Variants in UGCG observed in about 807,000 individuals in gnomAD.
UGCG encodes the protein UDP-glucose ceramide glucosyltransferase, also known as ceramide glucosyltransferase.
In UGCG, 10 loss-of-function variants were observed where a neutral mutation model predicts 49.5. That is an observed-to-expected ratio of 0.20 (90% CI 0.12 to 0.34). The LOEUF (loss-of-function observed/expected upper bound fraction) is 0.34, where lower values mean the gene tolerates loss of function less well. Ranked by LOEUF, UGCG falls within the 10% of genes least tolerant of loss-of-function variation. The pLI, the probability that UGCG is intolerant of heterozygous loss-of-function variation, is 1.00. For missense variants in UGCG, 312 were observed against 483.7 expected (o/e 0.65, Z 3.33); for synonymous variants, 182 against 158.2 (o/e 1.15, Z -1.13).
At position 111,913,396 on chromosome 9, in the gene UGCG, CTGA is replaced by C. The variant is rs551954085; in HGVS notation, c.99-1206_99-1204del. ...TTGAATGGCATCTTGTTGCAACAGC[CTGA>C]TGTTAACTGGGGCACGTTCTGTCTT... is the stretch of plus-strand genomic sequence containing the variant. On this transcript the variant is annotated intron_variant, in intron 1 of 8. Transcript: ENST00000374279. Among the ~76,000 whole-genome samples the C allele has an allele frequency of 7.7e-3, 1,167 of 152,180 alleles. 11 individuals are homozygous for C. Among genetic ancestry groups the C allele is most frequent in the Non-Finnish European group, 0.013 (907 of 67,998 alleles).
At chr9:111,912,224 G>C (rs1197414113) in intron 1 of UGCG, among the ~76,000 whole-genome samples, 1 of 151,820 alleles carries the variant, frequency 6.6e-6, no homozygotes. Context: ...TGGTCCTCCA[G>C]ATGAACTCTG....
rs1398050402 is a variant in UGCG, at chr9:111,914,653, G to T, written c.147G>T (p.Lys49Asn). The T allele has an allele frequency of 6.8e-6, 11 of 1,614,104 alleles. No homozygotes were observed. The highest frequency in any genetic ancestry group is 9.3e-6 in the Non-Finnish European group (11 of 1,180,004). Reference sequence around the variant, plus strand: ...CAACTGACAAACAGCCTTATAGCAAGCTCCCAGGTGTCTCTCTTCTGAAAC... The same window carrying T: ...CAACTGACAAACAGCCTTATAGCAATCTCCCAGGTGTCTCTCTTCTGAAAC... Reference protein sequence around the residue: ...KKATDKQPYSKLPGVSLLKPL... With the variant: ...KKATDKQPYSNLPGVSLLKPL... Residue 49 changes from lysine (K) to asparagine (N), a missense_variant, in exon 2 of 9, where the codon AAG (lysine) becomes AAT (asparagine). Physicochemically the swap from Lys to Asn is moderately conservative, Grantham distance 94. Transcript: ENST00000374279.
At chr9:111,929,733 A>G in intron 6 of UGCG, 55 bp downstream of exon 6, 1 of 1,587,158 alleles carries the variant, frequency 6.3e-7, no homozygotes, top group African/African-American at 1.4e-5. Flanking sequence ...CTGTTGGTTT[A>G]TTCTTTTTGT....
At chr9:111,923,130 A>G (rs1380868813) in intron 3 of UGCG, among the ~76,000 whole-genome samples, 179 bp downstream of exon 3, 1 of 151,416 alleles carries the variant, frequency 6.6e-6, no homozygotes, top group African/African-American at 2.4e-5. Flanking sequence ...TTTTTTTTTC[A>G]TATCTGAGAT....
At chr9:111,911,927 T>TATATATATATATATATATTCAACAGG in intron 1 of UGCG, among the ~76,000 whole-genome samples, 2 of 24,784 alleles carry the variant, frequency 8.1e-5, no homozygotes, top group South Asian at 9.2e-4. Context: ...TATATATATA[T>TATATATATATATATATATTCAACAGG]ATATATATAT....
chr9:111,925,325 C>T (rs1056695652), intron 4 of UGCG, among the ~76,000 whole-genome samples: 1 of 152,224 alleles, frequency 6.6e-6, no homozygotes, highest in African/African-American at 2.4e-5. Flanking sequence ...ATGATTTTAG[C>T]AAGAAGCCTT....
intron 1 of UGCG, among the ~76,000 whole-genome samples, chr9:111,913,607 T>TC (rs1312762130): frequency 6.6e-6 from 1 of 150,776 alleles, no homozygotes. Flanking sequence ...TAATTTTTTT[T>TC]TTTTTTTTTT....
At position 111,922,842 on chromosome 9, in the gene UGCG, T is replaced by A; in HGVS notation, c.241-7T>A. The A allele has an allele frequency of 6.3e-7, 1 of 1,585,970 alleles. No homozygotes were observed. The highest frequency in any genetic ancestry group is 8.6e-7 in the Non-Finnish European group (1 of 1,164,462). Reference sequence around the variant, plus strand: ...AATTTAATTTACATACAATGCTTTTTGACTAGTATGAAGTGCTCCTTTGTG... The same window carrying A: ...AATTTAATTTACATACAATGCTTTTAGACTAGTATGAAGTGCTCCTTTGTG... On this transcript the variant is annotated splice_region_variant and splice_polypyrimidine_tract_variant and intron_variant, in intron 2 of 8. Transcript: ENST00000374279.
intron 1 of UGCG, among the ~76,000 whole-genome samples, chr9:111,913,375 A>AT (rs1838051849): frequency 6.6e-6 from 1 of 152,128 alleles, no homozygotes; most frequent in South Asian, 2.1e-4. Context: ...ACTGTATTGA[A>AT]TGGCATCTTG....
intron 5 of UGCG, 90 bp from the exon 6 acceptor site, chr9:111,929,410 T>G (rs958777868): frequency 1.2e-5 from 16 of 1,347,752 alleles, no homozygotes; most frequent in Admixed American, 7.8e-5. Context: ...TCAATCATAC[T>G]TATAAAAAAA....
At chr9:111,917,120 A>T (rs58584583) in intron 2 of UGCG, among the ~76,000 whole-genome samples, 214 of 152,350 alleles carry the variant, frequency 1.4e-3, no homozygotes, top group African/African-American at 5.0e-3. Flanking sequence ...GTTGAGGAGA[A>T]AGCTATTTTG....
intron 2 of UGCG, chr9:111,915,887 T>C: frequency 1.0e-6 from 1 of 952,486 alleles, no homozygotes; most frequent in Non-Finnish European, 1.3e-6. Flanking sequence ...TTTTATATTA[T>C]TGCTTTGGAG....
At chr9:111,926,935 C>T (rs910239839) in intron 5 of UGCG, among the ~76,000 whole-genome samples, 9 of 133,400 alleles carry the variant, frequency 6.7e-5, no homozygotes, top group African/African-American at 2.5e-4. Context: ...TGCAGTGGCA[C>T]GATCTCGGCT....
At chr9:111,910,048 G>A (rs137996390) in intron 1 of UGCG, among the ~76,000 whole-genome samples, 52 of 152,292 alleles carry the variant, frequency 3.4e-4, no homozygotes, top group African/African-American at 1.2e-3. Flanking sequence ...GCTGTTGAGA[G>A]AGTCAGAATG....
Position 111,913,188 on chromosome 9 carries a change from G to A in UGCG, c.99-1417G>A, listed in dbSNP as rs536739353. On this transcript the variant is annotated intron_variant, in intron 1 of 8. Transcript: ENST00000374279. ...GCAGCAATTGTAAGGTACCATTGAT[G>A]TCAGAGATGTTAAAATGTGGAAGAA... Among the ~76,000 whole-genome samples, 13 of 152,368 alleles carry A rather than the reference G, an allele frequency of 8.5e-5. No individual in the cohort carries two copies. The South Asian group carries it at 2.3e-3, about 27-fold the overall frequency.
At chr9:111,903,955 T>C (rs1837827928) in intron 1 of UGCG, among the ~76,000 whole-genome samples, 1 of 152,114 alleles carries the variant, frequency 6.6e-6, no homozygotes, top group African/African-American at 2.4e-5. Flanking sequence ...CATCAAGGGC[T>C]TAAAAAAAAG....
At chr9:111,915,678 CAAAT>C (rs1838097547) in intron 2 of UGCG, 1 of 673,836 alleles carries the variant, frequency 1.5e-6, no homozygotes, top group Non-Finnish European at 1.8e-6. Context: ...CAGGGTAGCT[CAAAT>C]AATCAGAAGG....
chr9:111,932,928 T>C lies in UGCG; in HGVS notation c.1116T>C (p.Thr372=), dbSNP rs760094770. The change falls in exon 9 of 9, where the codon ACT becomes ACC. Residue 372 remains threonine (T), a synonymous_variant. Coordinates refer to ENST00000374279, the MANE Select transcript of UGCG (RefSeq NM_003358.3). ...YIFLSALWDP[T]ISWRTGRYRL... is the part of the protein sequence containing the mutation. ...TTTTGTCTGCATTATGGGACCCAACTATAAGCTGGAGAACTGGTCGCTACA... is the reference window on the plus strand; with the variant it reads ...TTTTGTCTGCATTATGGGACCCAACCATAAGCTGGAGAACTGGTCGCTACA... 1.2e-6 allele frequency: 2 copies of C among 1,613,108 alleles called. No homozygotes were observed. The highest frequency in any genetic ancestry group is 1.7e-6 in the Non-Finnish European group (2 of 1,179,448).
chr9:111,909,585 C>T (rs1312229052), intron 1 of UGCG, among the ~76,000 whole-genome samples: 2 of 152,204 alleles, frequency 1.3e-5, no homozygotes, highest in African/African-American at 4.8e-5. Context: ...GGGAATTCAC[C>T]TGTTGCTTGT....
Sources: allele counts gnomAD v4.1 joint callset (sites outside exome capture counted in the v4.1 genomes callset), GRCh38; gene constraint gnomAD v4.1.1; transcripts MANE v1.5; gene names NCBI Gene and HGNC (gene_info 2026-07-23, HGNC 2026-07-21).